SMARCA1: variants seen among roughly 807,000 people sequenced by gnomAD.
SMARCA1 encodes the protein SWI/SNF-related matrix-associated actin-dependent regulator of chromatin subfamily A member 1.
Under a neutral mutation model 93.6 loss-of-function variants are expected in SMARCA1, and 17 were observed. The ratio of observed to expected loss-of-function variants is 0.18; its 90% CI spans 0.12 to 0.27. The LOEUF is 0.27. Ranked by LOEUF, SMARCA1 falls within the 10% of genes least tolerant of loss-of-function variation. The probability of loss-of-function intolerance (pLI) is 1.00; values close to 1 mark genes in which losing one functional copy is unlikely to be tolerated. For synonymous variants in SMARCA1, 271 were observed against 271.4 expected (o/e 1.00, Z 0.01); for missense variants, 630 against 819.0 (o/e 0.77, Z 2.82).
rs370815363 is a variant in SMARCA1 at position 129,483,921 on chromosome X, A to G, written c.2218-2736T>C. ...CTTTCAAGTTTTCACTTCTCCTCAA[A>G]AGATAATTTAAACCTATTTTAAGAA... is the stretch of plus-strand genomic sequence containing the variant. On this transcript the variant is annotated intron_variant, in intron 17 of 24. Transcript: ENST00000371121. 3.6e-5 allele frequency among the ~76,000 whole-genome samples: 4 copies of G among 112,124 alleles called. No homozygotes were observed. In the East Asian group the frequency reaches 8.3e-4, roughly 23 times the overall value.
intron 7 of SMARCA1, among the ~76,000 whole-genome samples, 173 bp downstream of exon 7, chrX:129,507,768 G>T (rs894143059): frequency 6.3e-5 from 7 of 111,950 alleles, no homozygotes; most frequent in African/African-American, 2.3e-4. Flanking sequence ...TGGTCAGAAT[G>T]GTCTCAATCT....
intron 7 of SMARCA1, 105 bp from the exon 8 acceptor site, chrX:129,506,316 T>C: frequency 1.6e-6 from 1 of 611,250 alleles, no homozygotes; most frequent in Non-Finnish European, 2.6e-6. Context: ...ACAATATAAC[T>C]TGAAAATTTT....
intron 7 of SMARCA1, among the ~76,000 whole-genome samples, chrX:129,507,427 CAGTT>C (rs779705568): frequency 2.6e-4 from 29 of 112,561 alleles, no homozygotes; most frequent in Non-Finnish European, 3.8e-4. Flanking sequence ...TACAGCATAA[CAGTT>C]AGGCACAGGA....
intron 5 of SMARCA1, among the ~76,000 whole-genome samples, chrX:129,512,489 G>A (rs780275195): frequency 2.2e-4 from 24 of 111,336 alleles, no homozygotes; most frequent in Non-Finnish European, 4.3e-4. Flanking sequence ...AAGAACCTTA[G>A]GAACCACAAA....
At chrX:129,522,146 A>G (rs1417188667) in intron 1 of SMARCA1, among the ~76,000 whole-genome samples, 1 of 111,538 alleles carries the variant, frequency 9.0e-6, no homozygotes, top group East Asian at 2.8e-4. Context: ...TCCTATTTTT[A>G]TGTCAATTTT....
chrX:129,492,294 T>C (rs1352233395), intron 13 of SMARCA1, among the ~76,000 whole-genome samples: 1 of 111,859 alleles, frequency 8.9e-6, no homozygotes, highest in East Asian at 2.7e-4. Flanking sequence ...CTGTACTGTG[T>C]GAATTTCTGT....
In SMARCA1 at chrX:129,522,188, G is replaced by A. The variant is rs753311891; in HGVS notation, c.174+1009C>T. The stretch of plus-strand genomic sequence containing the variant: ...TTTTATAGTTTTATTTGCATGTCTC[G>A]GGCCACACGAAATGTGCCTTATGGA... On this transcript the variant is annotated intron_variant, in intron 1 of 24. Transcript: ENST00000371121. Among the ~76,000 whole-genome samples the A allele has an allele frequency of 1.8e-3, 205 of 110,927 alleles. 4 individuals carry two copies. The Middle Eastern group carries it at 0.019, about 10-fold the overall frequency.
rs1244609924 is a variant in SMARCA1, at chrX:129,481,253, A to G, written c.2218-68T>C. 1.7e-5 allele frequency: 11 copies of G among 662,615 alleles called. No homozygotes were observed. The African/African-American group carries it at 2.2e-4, about 13-fold the overall frequency. 54.6% of individuals were successfully genotyped at this position (662,615 alleles called of 1,213,427 possible). On this transcript the variant is annotated intron_variant, in intron 17 of 24. Transcript: ENST00000371121. ...CAACAGTTTTATCAAAATCAAGTAC[A>G]TCGAGGCTGCAGAAACATAAGGAAG...
At chrX:129,519,068 A>T (rs746670365) in intron 1 of SMARCA1, among the ~76,000 whole-genome samples, 28 of 112,222 alleles carry the variant, frequency 2.5e-4, no homozygotes, top group Non-Finnish European at 4.9e-4. Flanking sequence ...AAACTACTTT[A>T]AACTATTTAT....
chrX:129,504,895 T>C, intron 8 of SMARCA1, 93 bp from the exon 9 acceptor site: 1 of 526,998 alleles, frequency 1.9e-6, no homozygotes, highest in Non-Finnish European at 3.1e-6. Flanking sequence ...ACGGAAATAA[T>C]GCATTTAAAA....
intron 11 of SMARCA1, 145 bp downstream of exon 11, chrX:129,497,700 C>T (rs1413253046): frequency 2.5e-5 from 11 of 447,970 alleles, no homozygotes; most frequent in Non-Finnish European, 3.9e-5. Flanking sequence ...CTTTGTACAC[C>T]CAGCCTGTAG....
At chrX:129,521,646 T>C (rs1199010242) in intron 1 of SMARCA1, among the ~76,000 whole-genome samples, 1 of 112,170 alleles carries the variant, frequency 8.9e-6, no homozygotes, top group Non-Finnish European at 1.9e-5. Flanking sequence ...TCTCCTGCCA[T>C]ACAAAAGGCA....
At chrX:129,479,717 G>A (rs1883315) in intron 19 of SMARCA1, among the ~76,000 whole-genome samples, 44,047 of 96,003 alleles carry the variant, frequency 0.46, 9,032 homozygotes, top group East Asian at 0.79. Flanking sequence ...TTTATTTTTG[G>A]GACAGAGTCT....
rs918330484 is a variant in SMARCA1, at chrX:129,496,597, C to T, written c.1626+153G>A. On this transcript the variant is annotated intron_variant, in intron 12 of 24. Transcript: ENST00000371121. Reference sequence around the variant, plus strand: ...TGTAAAGAATCAATGGAATGGAAGCCACACTGAAGATTGAAGAGAGAAAGA... The same window carrying T: ...TGTAAAGAATCAATGGAATGGAAGCTACACTGAAGATTGAAGAGAGAAAGA... 9.0e-5 allele frequency among the ~76,000 whole-genome samples: 10 copies of T among 111,292 alleles called. No individual in the cohort carries two copies. In the East Asian group the frequency reaches 2.8e-3, roughly 31 times the overall value.
At chrX:129,450,014 T>C (rs186878708) in intron 23 of SMARCA1, among the ~76,000 whole-genome samples, 27 of 112,872 alleles carry the variant, frequency 2.4e-4, no homozygotes, top group Middle Eastern at 4.6e-3. Flanking sequence ...TTTCATTCAC[T>C]GATGATGAAA....
chrX:129,508,175 T>A (rs190077883), intron 6 of SMARCA1, 79 bp from the exon 7 acceptor site: 208 of 619,034 alleles, frequency 3.4e-4, no homozygotes, highest in Non-Finnish European at 6.2e-5. Flanking sequence ...AATTAAAATA[T>A]CAAGAAAATA....
intron 15 of SMARCA1, among the ~76,000 whole-genome samples, chrX:129,489,436 G>A (rs1219271251): frequency 3.6e-5 from 4 of 112,293 alleles, no homozygotes; most frequent in Non-Finnish European, 7.5e-5. Context: ...ATAATCTCAG[G>A]TACTTCAAAA....
Position 129,490,195 on chromosome X carries a change from A to G in SMARCA1, c.1816-3T>C, listed in dbSNP as rs772253420. ...TGACCAATACGATGTGCTCGATCCT[A>G]GTAGAAAGAGTTCTAATGTAAGATA... On this transcript the variant is annotated splice_polypyrimidine_tract_variant and splice_region_variant and intron_variant, in intron 14 of 24. Transcript: ENST00000371121. The G allele has an allele frequency of 1.5e-5, 17 of 1,162,862 alleles. No individual in the cohort carries two copies. Among genetic ancestry groups the G allele is most frequent in the Non-Finnish European group, 2.0e-5 (17 of 863,265 alleles).
Position 129,509,484 on chromosome X carries a change from C to T in SMARCA1, c.811-1388G>A, listed in dbSNP as rs150115025. Among the ~76,000 whole-genome samples the T allele has an allele frequency of 8.7e-3, 966 of 111,299 alleles. 9 individuals are homozygous for T. The highest frequency in any genetic ancestry group is 0.03 in the African/African-American group (924 of 30,616). On this transcript the variant is annotated intron_variant, in intron 6 of 24. Transcript: ENST00000371121. ...AGACAAAATAAAGAGAAGTAGAGTGCCAGACCCCATTCAGTCGTGCTAACA... is the reference window on the plus strand; with the variant it reads ...AGACAAAATAAAGAGAAGTAGAGTGTCAGACCCCATTCAGTCGTGCTAACA...
Sources: allele counts gnomAD v4.1 joint callset (sites outside exome capture counted in the v4.1 genomes callset), GRCh38; gene constraint gnomAD v4.1.1; transcripts MANE v1.5; gene names NCBI Gene and HGNC (gene_info 2026-07-23, HGNC 2026-07-21).